The following NDST3 variants were observed in gnomAD, a reference collection of about 807,000 sequenced individuals.
The protein encoded by NDST3 is bifunctional heparan sulfate N-deacetylase/N-sulfotransferase 3.
A neutral mutation model predicts 96.1 loss-of-function variants in NDST3; 58 were observed. That is an observed-to-expected ratio of 0.60 (90% CI 0.49 to 0.75). The LOEUF is 0.75. NDST3 is among the 30% of genes least tolerant of loss of function. NDST3 has a pLI of 0.00. For synonymous variants in NDST3, 333 were observed against 359.7 expected (o/e 0.93, Z 0.84); for missense variants, 788 against 1,034.2 (o/e 0.76, Z 3.27).
chr4:118,188,527 G>A (rs1345349391), intron 6 of NDST3, among the ~76,000 whole-genome samples: 1 of 151,958 alleles, frequency 6.6e-6, no homozygotes, highest in African/African-American at 2.4e-5. Context: ...ATAACTAATA[G>A]GCTATCGCAG....
chr4:118,089,769 G>C (rs1238455580), intron 2 of NDST3, among the ~76,000 whole-genome samples: 1 of 151,938 alleles, frequency 6.6e-6, no homozygotes, highest in Non-Finnish European at 1.5e-5. Context: ...TATAAAAGGT[G>C]ACATATTTAG....
chr4:118,147,784 T>A (rs999683282), intron 6 of NDST3, among the ~76,000 whole-genome samples: 3 of 152,198 alleles, frequency 2.0e-5, no homozygotes, highest in Non-Finnish European at 4.4e-5. Context: ...TATCATCTCA[T>A]ATGCACTAAA....
chr4:118,161,309 CG>C (rs1735109573), intron 6 of NDST3, among the ~76,000 whole-genome samples: 1 of 152,208 alleles, frequency 6.6e-6, no homozygotes, highest in Non-Finnish European at 1.5e-5. Flanking sequence ...TTAGGCTGCT[CG>C]GGGGTCAGGG....
chr4:118,184,735 T>A (rs1736832104), intron 6 of NDST3, among the ~76,000 whole-genome samples: 1 of 152,014 alleles, frequency 6.6e-6, no homozygotes, highest in Non-Finnish European at 1.5e-5. Context: ...TATACATAAT[T>A]TATTAGTAGA....
intron 1 of NDST3, among the ~76,000 whole-genome samples, chr4:118,042,894 C>T (rs1560604299): frequency 6.6e-6 from 1 of 152,226 alleles, no homozygotes; most frequent in East Asian, 1.9e-4. Context: ...CTCTCTCTCT[C>T]TCTTCTGAAA....
intron 4 of NDST3, among the ~76,000 whole-genome samples, chr4:118,125,198 A>G (rs1731946058): frequency 1.3e-5 from 2 of 152,156 alleles, no homozygotes; most frequent in South Asian, 4.1e-4. Flanking sequence ...CTCAAATATA[A>G]TTTCAGGGTA....
At chr4:118,064,570 A>G (rs923531886) in intron 2 of NDST3, among the ~76,000 whole-genome samples, 2 of 152,140 alleles carry the variant, frequency 1.3e-5, no homozygotes, top group African/African-American at 4.8e-5. Flanking sequence ...TACCTATAAA[A>G]TACATATTAG....
chr4:118,087,420 T>C (rs531992319), intron 2 of NDST3, among the ~76,000 whole-genome samples: 1 of 152,250 alleles, frequency 6.6e-6, no homozygotes, highest in Non-Finnish European at 1.5e-5. Flanking sequence ...CTGTATTCCA[T>C]ATCCTTTCCC....
At chr4:118,242,191 G>C (rs768230532) in intron 12 of NDST3, 42 bp downstream of exon 12, 2 of 1,367,162 alleles carry the variant, frequency 1.5e-6, no homozygotes, top group South Asian at 2.5e-5. Flanking sequence ...TTTCAGCAGA[G>C]AATTGATTTC....
chr4:118,132,661 A>G (rs917030064), intron 4 of NDST3, among the ~76,000 whole-genome samples: 1 of 152,116 alleles, frequency 6.6e-6, no homozygotes, highest in Non-Finnish European at 1.5e-5. Flanking sequence ...CACTGCTGGG[A>G]ATGTGCTGGG....
At chr4:118,054,937 G>A (rs767301331) in intron 2 of NDST3, 46 bp downstream of exon 2, 5 of 1,597,888 alleles carry the variant, frequency 3.1e-6, no homozygotes, top group Middle Eastern at 1.6e-4. Context: ...TCATCTTCCA[G>A]CAGGGATACA....
chr4:118,210,299 G>A (rs1404693958), intron 6 of NDST3, among the ~76,000 whole-genome samples: 1 of 152,128 alleles, frequency 6.6e-6, no homozygotes, highest in Non-Finnish European at 1.5e-5. Context: ...GTAGGTTGTT[G>A]TCTGCCTTAC....
intron 3 of NDST3, among the ~76,000 whole-genome samples, chr4:118,109,570 C>T (rs1730475963): frequency 6.6e-6 from 1 of 152,142 alleles, no homozygotes; most frequent in African/African-American, 2.4e-5. Flanking sequence ...CAGATGGAAA[C>T]AGAGGCCAAG....
intron 6 of NDST3, among the ~76,000 whole-genome samples, chr4:118,197,754 G>T (rs1166092586): frequency 2.0e-5 from 3 of 148,180 alleles, no homozygotes; most frequent in African/African-American, 4.9e-5. Flanking sequence ...TTTTTGGGGG[G>T]TTTTTTGGTG....
chr4:118,156,018 A>G (rs1035482209), intron 6 of NDST3, among the ~76,000 whole-genome samples: 5 of 152,230 alleles, frequency 3.3e-5, no homozygotes, highest in Non-Finnish European at 7.3e-5. Context: ...TACTAAATAC[A>G]AAGTGCTCAG....
chr4:118,249,586 G>C lies in NDST3; in HGVS notation c.2400-3913G>C, dbSNP rs1741525338. ...GACACAATTGCTTTAATAATGATGA[G>C]AAACAGGCTTTACGTAAATGGAAAG... On this transcript the variant is annotated intron_variant, in intron 12 of 13. Coordinates refer to ENST00000296499, the MANE Select transcript of NDST3 (RefSeq NM_004784.3). Among the ~76,000 whole-genome samples the C allele has an allele frequency of 1.3e-5, 2 of 152,076 alleles. 1 individual carries two copies. The highest frequency in any genetic ancestry group is 4.1e-4 in the South Asian group (2 of 4,828).
At chr4:118,251,561 T>A (rs1307992721) in intron 12 of NDST3, among the ~76,000 whole-genome samples, 1 of 152,206 alleles carries the variant, frequency 6.6e-6, no homozygotes, top group Non-Finnish European at 1.5e-5. Flanking sequence ...CCTTTCCCAC[T>A]GACTTACCTT....
At chr4:118,148,069 T>C (rs542117540) in intron 6 of NDST3, among the ~76,000 whole-genome samples, 12 of 152,208 alleles carry the variant, frequency 7.9e-5, no homozygotes, top group Admixed American at 1.3e-4. Flanking sequence ...GAGGCCAAGG[T>C]GGGCAGATCA....
chr4:118,197,710 T>A (rs557063936), intron 6 of NDST3, among the ~76,000 whole-genome samples: 1 of 152,186 alleles, frequency 6.6e-6, no homozygotes, highest in African/African-American at 2.4e-5. Flanking sequence ...AGGTGAAGTC[T>A]GTTTCTTGTG....
Sources: allele counts gnomAD v4.1 joint callset (sites outside exome capture counted in the v4.1 genomes callset), GRCh38; gene constraint gnomAD v4.1.1; transcripts MANE v1.5; gene names NCBI Gene and HGNC (gene_info 2026-07-23, HGNC 2026-07-21).